The following ZNF536 variants were observed in gnomAD, a reference collection of about 807,000 sequenced individuals.
ZNF536 encodes the protein zinc finger protein 536.
Under a neutral mutation model 84.5 loss-of-function variants are expected in ZNF536, and 13 were observed. The ratio of observed to expected loss-of-function variants is 0.15; its 90% CI spans 0.10 to 0.24. The LOEUF (loss-of-function observed/expected upper bound fraction) is 0.24. Among genes scored for constraint, ZNF536 ranks in the 10% least tolerant of loss-of-function variants. The pLI, the probability that ZNF536 is intolerant of heterozygous loss-of-function variation, is 1.00. For missense variants in ZNF536, 1,536 were observed against 1,747.5 expected (o/e 0.88, Z 2.16); for synonymous variants, 811 against 742.5 (o/e 1.09, Z -1.50).
intron 1 of ZNF536, among the ~76,000 whole-genome samples, chr19:30,670,034 C>G (rs1015459459): frequency 1.3e-5 from 2 of 152,204 alleles, no homozygotes; most frequent in Non-Finnish European, 2.9e-5. Context: ...TTCCCTTTCC[C>G]CTCATCCTGC....
At chr19:30,417,757 G>T (rs1600651290) in intron 1 of ZNF536, among the ~76,000 whole-genome samples, 1 of 152,186 alleles carries the variant, frequency 6.6e-6, no homozygotes, top group Non-Finnish European at 1.5e-5. Context: ...TGTTTTGGGG[G>T]TCGGAATTTT....
Position 30,445,412 on chromosome 19 carries a change from A to T in ZNF536, c.1850A>T (p.Glu617Val), listed in dbSNP as rs2148223569. ...TCACACGGGCTGAACCAGACTCTCG[A>T]GTATAACCTGCAGGGTCCTGGGAAC... ...FLSHGLNQTLEYNLQGPGNMK... is the reference protein window; with the variant it reads ...FLSHGLNQTLVYNLQGPGNMK... Residue 617 changes from glutamate to valine, a missense_variant, in exon 2 of 5, where the codon GAG becomes GTG. Around this residue, in one of 8 missense-constraint regions of ZNF536, gnomAD observed 366 missense variants for 364.4 expected, o/e 1.00. Transcript: ENST00000355537. The surrounding 1 kb of genome is among the most constrained non-coding windows in gnomAD (Gnocchi z 4.5). The T allele has an allele frequency of 6.2e-7, 1 of 1,614,062 alleles. No homozygotes were observed. The highest frequency in any genetic ancestry group is 8.5e-7 in the Non-Finnish European group (1 of 1,180,012).
intron 1 of ZNF536, among the ~76,000 whole-genome samples, chr19:30,667,371 C>T (rs1396270870): frequency 6.6e-6 from 1 of 152,170 alleles, no homozygotes; most frequent in Non-Finnish European, 1.5e-5. Context: ...CTGGTTGGCC[C>T]TTGGGTGCAG....
rs145848886 is a variant in ZNF536 at position 30,383,757 on chromosome 19, C to CTT, written c.-3+11202_-3+11203insTT. On this transcript the variant is annotated intron_variant, in intron 1 of 4. Coordinates refer to ENST00000355537, the MANE Select transcript of ZNF536 (RefSeq NM_014717.3). ...TTTCTTTCTTTCTCTTTCTTTCTTT[C>CTT]TCTTTCTTTCTTTCTTTTCTTTCTT... 1.6e-4 allele frequency among the ~76,000 whole-genome samples: 14 copies of CTT among 86,944 alleles called. 2 individuals are homozygous for CTT. In the East Asian group the frequency reaches 3.9e-3, roughly 24 times the overall value. 57.0% of individuals were successfully genotyped at this position (86,944 alleles called of 152,430 possible). A position where few individuals can be genotyped will look rare whatever the true frequency, so the allele number is the denominator to read the frequency against.
intron 1 of ZNF536, among the ~76,000 whole-genome samples, chr19:30,243,609 A>G (rs1289408687): frequency 6.6e-6 from 1 of 152,232 alleles, no homozygotes; most frequent in African/African-American, 2.4e-5. Context: ...TAATGAAAAA[A>G]TTATATTTTT....
chr19:30,580,885 G>A (rs1391280275), intron 1 of ZNF536, among the ~76,000 whole-genome samples: 3 of 152,164 alleles, frequency 2.0e-5, no homozygotes, highest in Non-Finnish European at 2.9e-5. Flanking sequence ...AGCAGAGACT[G>A]TGTCCACAGG....
intron 1 of ZNF536, among the ~76,000 whole-genome samples, chr19:30,232,342 A>C (rs1717540284): frequency 6.6e-6 from 1 of 152,110 alleles, no homozygotes; most frequent in Non-Finnish European, 1.5e-5. Flanking sequence ...ATATGGGTAC[A>C]TTGTGTGATG....
exon 2 of ZNF536, chr19:30,711,611 G>A (rs1415018081): frequency 6.6e-6 from 1 of 152,182 alleles, no homozygotes; most frequent in Non-Finnish European, 1.5e-5. Flanking sequence ...GCACTGCAGA[G>A]GATTGAGATC....
At chr19:30,608,006 C>G (rs912434756) in intron 1 of ZNF536, among the ~76,000 whole-genome samples, 1 of 152,054 alleles carries the variant, frequency 6.6e-6, no homozygotes, top group Admixed American at 6.6e-5. Context: ...TGATGCTTAC[C>G]CATACAGGAT....
At chr19:30,377,353 C>T (rs938633203) in intron 1 of ZNF536, among the ~76,000 whole-genome samples, 5 of 152,154 alleles carry the variant, frequency 3.3e-5, no homozygotes, top group African/African-American at 1.2e-4. Context: ...GGGGTTTCCA[C>T]ACTATAGTCG....
rs1318529635 is a variant in ZNF536 at position 30,375,387 on chromosome 19, G to C, written c.-3+2831G>C. Among the ~76,000 whole-genome samples, 3 of 152,180 alleles carry C rather than the reference G, an allele frequency of 2.0e-5. No homozygotes were observed. In the East Asian group the frequency reaches 5.8e-4, roughly 30 times the overall value. On this transcript the variant is annotated intron_variant, in intron 1 of 4. Coordinates refer to ENST00000355537, the MANE Select transcript of ZNF536 (RefSeq NM_014717.3). ...CTGCCGCCGCATAGTAATCACCCGC[G>C]GGCTGGGTGCGCGGGGGCTCCCCGC...
chr19:30,293,484 G>A (rs1443131202), intron 2 of ZNF536, among the ~76,000 whole-genome samples: 1 of 152,156 alleles, frequency 6.6e-6, no homozygotes, highest in Admixed American at 6.5e-5. Flanking sequence ...AGAGATTGTG[G>A]TTCTCCTTTT....
Position 30,540,194 on chromosome 19 carries a change from C to A in ZNF536, c.2323+5195C>A, listed in dbSNP as rs115024909. 9.4e-3 allele frequency among the ~76,000 whole-genome samples: 1,429 copies of A among 152,264 alleles called. 27 individuals are homozygous for A. The highest frequency in any genetic ancestry group is 0.033 in the African/African-American group (1,373 of 41,550). ...GAAGGGTACGCCCGGCACCCCCCAA[C>A]TCCTGGCTGCTGTCTTCACGGCACA... On this transcript the variant is annotated intron_variant, in intron 3 of 4. Transcript: ENST00000355537.
intron 3 of ZNF536, among the ~76,000 whole-genome samples, chr19:30,540,411 A>G (rs960146713): frequency 1.3e-5 from 2 of 152,220 alleles, no homozygotes; most frequent in Non-Finnish European, 2.9e-5. Context: ...GGCTGAACAC[A>G]GAACTCAGCC....
At chr19:30,418,292 T>C (rs1480693391) in intron 1 of ZNF536, among the ~76,000 whole-genome samples, 1 of 152,164 alleles carries the variant, frequency 6.6e-6, no homozygotes, top group Non-Finnish European at 1.5e-5. Flanking sequence ...TGTGACCTAC[T>C]CACTGTATAG....
chr19:30,673,046 T>C (rs1409577916), intron 1 of ZNF536, among the ~76,000 whole-genome samples: 1 of 152,152 alleles, frequency 6.6e-6, no homozygotes, highest in East Asian at 1.9e-4. Context: ...CCATATGCTT[T>C]GGCATATGTG....
intron 1 of ZNF536, among the ~76,000 whole-genome samples, chr19:30,427,376 G>A (rs1227003314): frequency 6.6e-6 from 1 of 152,212 alleles, no homozygotes; most frequent in Non-Finnish European, 1.5e-5. Flanking sequence ...CCCTTTGGTG[G>A]AAGCTTTTGG....
chr19:30,568,475 C>T (rs1251643279), intron 1 of ZNF536, among the ~76,000 whole-genome samples: 1 of 152,204 alleles, frequency 6.6e-6, no homozygotes, highest in African/African-American at 2.4e-5. Flanking sequence ...AAACTTTTTA[C>T]TTTTTAAAAG....
At position 30,664,226 on chromosome 19, in the gene ZNF536, C is replaced by CTCTG. The variant is rs1568650329; in HGVS notation, c.170-46528_170-46527insGTCT. Among the ~76,000 whole-genome samples, 2 of 127,262 alleles carry CTCTG rather than the reference C, an allele frequency of 1.6e-5. 1 individual carries two copies. The highest frequency in any genetic ancestry group is 5.9e-5 in the African/African-American group (2 of 33,854). The allele number at this position is 127,262 out of a possible 152,430, so 83.5% of individuals were successfully genotyped here. Reference sequence around the variant, plus strand: ...GTTTTCTCTCTCTCTCTCTCTCTCTCTCTCTCTCTCTCTCTCTCTCTCTCT... The same window carrying CTCTG: ...GTTTTCTCTCTCTCTCTCTCTCTCTCTCTGTCTCTCTCTCTCTCTCTCTCTCTCT... On this transcript the variant is annotated intron_variant, in intron 1 of 1. Coordinates refer to the ZNF536 transcript ENST00000592773.
Sources: allele counts gnomAD v4.1 joint callset (sites outside exome capture counted in the v4.1 genomes callset), GRCh38; gene constraint gnomAD v4.1.1; regional missense constraint gnomAD v4.1.1; non-coding constraint Gnocchi (gnomAD v3.1); transcripts MANE v1.5; gene names NCBI Gene and HGNC (gene_info 2026-07-23, HGNC 2026-07-21).